ASTN1: variants seen among roughly 807,000 people sequenced by gnomAD.
The protein encoded by ASTN1 is astrotactin 1.
In ASTN1, 41 loss-of-function variants were observed where a neutral mutation model predicts 140.7. The ratio of observed to expected loss-of-function variants is 0.29; its 90% confidence interval spans 0.23 to 0.38. The LOEUF (loss-of-function observed/expected upper bound fraction) is 0.38, where lower values mean the gene tolerates loss of function less well. Ranked by LOEUF, ASTN1 falls within the 10% of genes least tolerant of loss-of-function variation. The pLI is 1.00. For missense variants in ASTN1, 1,479 were observed against 1,678.8 expected (o/e 0.88, Z 2.08); for synonymous variants, 640 against 652.2 (o/e 0.98, Z 0.29).
chr1:176,917,055 T>G (rs1670518193), intron 16 of ASTN1, among the ~76,000 whole-genome samples: 1 of 152,170 alleles, frequency 6.6e-6, no homozygotes, highest in Non-Finnish European at 1.5e-5. Flanking sequence ...TCACCCTCCT[T>G]CATTCAGTGC....
intron 16 of ASTN1, among the ~76,000 whole-genome samples, chr1:176,900,487 A>AATTTACATT (rs1669720855): frequency 6.6e-6 from 1 of 151,916 alleles, no homozygotes; most frequent in Non-Finnish European, 1.5e-5. Context: ...CACCCCATCA[A>AATTTACATT]CTAATCTTAT....
In ASTN1 at chr1:176,884,351, T is replaced by G. The variant is rs558363072; in HGVS notation, c.3214A>C (p.Lys1072Gln). The G allele has an allele frequency of 2.0e-5, 32 of 1,614,066 alleles. No homozygotes were observed. The South Asian group carries it at 3.4e-4, about 17-fold the overall frequency. The change falls in exon 19 of 23, where the codon AAA becomes CAA. Residue 1072 changes from lysine to glutamine, a missense_variant. Physicochemically the swap from Lys to Gln is moderately conservative, Grantham distance 53. This residue lies in a region of ASTN1 where 746 missense variants were observed against 800.9 expected (regional missense o/e 0.93). Coordinates refer to ENST00000361833, the MANE Select transcript of ASTN1 (RefSeq NM_004319.3). ...EKVTDRMDHS[K>Q]VETETVLSFV... is the part of the protein sequence containing the mutation. ...AGAAGGTGCTCACCTGTCTCCACTT[T>G]GGAGTGGTCCATCCTGTCAGTGACT...
intron 1 of ASTN1, among the ~76,000 whole-genome samples, chr1:177,126,250 C>A (rs370393025): frequency 1.2e-4 from 18 of 152,244 alleles, no homozygotes; most frequent in African/African-American, 4.3e-4. Flanking sequence ...CAGCTGCTTG[C>A]TCCATTTTAG....
intron 7 of ASTN1, among the ~76,000 whole-genome samples, 188 bp downstream of exon 7, chr1:177,023,216 T>C (rs1675914283): frequency 6.6e-6 from 1 of 152,208 alleles, no homozygotes. Flanking sequence ...CCAAGTCTTC[T>C]GCCAGAAAAT....
intron 7 of ASTN1, among the ~76,000 whole-genome samples, chr1:177,022,581 G>C (rs1675885903): frequency 6.6e-6 from 1 of 152,090 alleles, no homozygotes; most frequent in Admixed American, 6.5e-5. Context: ...CCTCCCTCAG[G>C]GAAACCCCAG....
rs764383302 is a variant in ASTN1 at position 177,032,613 on chromosome 1, T to C, written c.708A>G (p.Thr236=). Residue 236 remains threonine, a synonymous_variant, in exon 3 of 23, where the codon ACA becomes ACG. Coordinates refer to ENST00000361833, the MANE Select transcript of ASTN1 (RefSeq NM_004319.3). ...NSSGTLSIRE[T]PILDGYEYDI... is the part of the protein sequence containing the mutation. ...CATACTCATAGCCGTCCAGGATAGG[T>C]GTCTCCCGGATGCTCAGGGTGCCAC... 9 of 1,614,110 alleles carry C rather than the reference T, an allele frequency of 5.6e-6. No homozygotes were observed. The highest frequency in any genetic ancestry group is 7.6e-6 in the Non-Finnish European group (9 of 1,180,020).
At chr1:176,900,055 T>C (rs1454443386) in intron 16 of ASTN1, among the ~76,000 whole-genome samples, 1 of 152,180 alleles carries the variant, frequency 6.6e-6, no homozygotes, top group Non-Finnish European at 1.5e-5. Context: ...ATGAACATAT[T>C]GGAGTGAATA....
At chr1:177,142,468 G>A (rs1682516046) in intron 1 of ASTN1, among the ~76,000 whole-genome samples, 1 of 152,038 alleles carries the variant, frequency 6.6e-6, no homozygotes, top group South Asian at 2.1e-4. Context: ...CCCAGGACTT[G>A]GAAAAAGTAC....
rs79572165 is a variant in ASTN1 at position 176,921,643 on chromosome 1, A to T, written c.2671+12509T>A. ...AATGCATCTAACCCAGGTCCTAATA[A>T]TTAATTCTGGTCTCACCTTGTGTTT... On this transcript the variant is annotated intron_variant, in intron 16 of 22. Transcript: ENST00000361833. 0.011 allele frequency among the ~76,000 whole-genome samples: 1,696 copies of T among 152,322 alleles called. 65 individuals carry two copies. The East Asian group carries it at 0.13, about 11-fold the overall frequency.
intron 2 of ASTN1, among the ~76,000 whole-genome samples, chr1:177,044,379 T>C (rs961429336): frequency 6.6e-5 from 10 of 152,104 alleles, no homozygotes; most frequent in African/African-American, 1.9e-4. Context: ...GGGGTTGTGA[T>C]TGAGTGGGGT....
At chr1:176,926,687 TTTG>T (rs1670985187) in intron 16 of ASTN1, among the ~76,000 whole-genome samples, 1 of 152,252 alleles carries the variant, frequency 6.6e-6, no homozygotes, top group Non-Finnish European at 1.5e-5. Flanking sequence ...GAGTGCTAAC[TTTG>T]TTGTTGTAAA....
chr1:177,023,394 T>A lies in ASTN1; in HGVS notation c.1438+10A>T. ...CTGACAGTTACCCGCTGCCCGGTGC[T>A]CCCGCCTACCAGTTTCGGGGTCACA... On this transcript the variant is annotated intron_variant, in intron 7 of 22. Transcript: ENST00000361833. 1 of 1,576,532 alleles carries A rather than the reference T, an allele frequency of 6.3e-7. No homozygotes were observed. Among genetic ancestry groups the A allele is most frequent in the Non-Finnish European group, 8.6e-7 (1 of 1,160,686 alleles).
In ASTN1 at chr1:176,868,876, G is replaced by A. The variant is rs375492855; in HGVS notation, c.3615C>T (p.Phe1205=). The stretch of plus-strand genomic sequence containing the variant: ...CTAACTCATCCTCACATCGCCAGGT[G>A]AATTCCCCAAAACTCTCATAGTGCT... ...YNQHYESFGE[F]TWRCEDELGP... is the part of the protein sequence containing the mutation. Residue 1205 remains phenylalanine, a synonymous_variant, in exon 22 of 23, where the codon TTC becomes TTT. Coordinates refer to ENST00000361833, the MANE Select transcript of ASTN1 (RefSeq NM_004319.3). The A allele has an allele frequency of 4.4e-5, 71 of 1,607,724 alleles. 1 individual carries two copies. The highest frequency in any genetic ancestry group is 1.7e-5 in the Admixed American group (1 of 59,590).
chr1:177,050,352 G>A (rs1398176933), intron 2 of ASTN1, among the ~76,000 whole-genome samples: 3 of 152,042 alleles, frequency 2.0e-5, no homozygotes, highest in African/African-American at 7.2e-5. Flanking sequence ...GTCAGAATTG[G>A]GAGCCAAAGC....
chr1:176,942,703 A>T (rs11577356), intron 14 of ASTN1, among the ~76,000 whole-genome samples: 1 of 150,176 alleles, frequency 6.7e-6, no homozygotes, highest in African/African-American at 2.4e-5. Context: ...AAAGAATGCA[A>T]CCATTTGTTT....
rs148054055 is a variant in ASTN1 at position 177,012,707 on chromosome 1, T to C, written c.1523+2084A>G. Among the ~76,000 whole-genome samples the C allele has an allele frequency of 2.7e-3, 414 of 152,290 alleles. 3 individuals carry two copies. The Middle Eastern group carries it at 0.031, about 11-fold the overall frequency. ...AGCCAGAGGGAATGATGAAGGCTTA[T>C]GCAATTATCAAGTGAAGTCAGGCCC... On this transcript the variant is annotated intron_variant, in intron 8 of 22. Coordinates refer to ENST00000361833, the MANE Select transcript of ASTN1 (RefSeq NM_004319.3).
intron 1 of ASTN1, among the ~76,000 whole-genome samples, chr1:177,069,676 T>C (rs1395986098): frequency 2.0e-5 from 3 of 152,146 alleles, no homozygotes; most frequent in Non-Finnish European, 4.4e-5. Context: ...AAAACATTCC[T>C]GTGGGGGAAA....
intron 1 of ASTN1, among the ~76,000 whole-genome samples, chr1:177,146,237 C>A (rs1682715696): frequency 6.6e-6 from 1 of 152,146 alleles, no homozygotes. Flanking sequence ...AAATACACTA[C>A]ACCATGTTAT....
chr1:176,919,908 T>C (rs1216515585), intron 16 of ASTN1, among the ~76,000 whole-genome samples: 4 of 152,212 alleles, frequency 2.6e-5, no homozygotes, highest in Non-Finnish European at 4.4e-5. Context: ...TACCCTATTA[T>C]GCTGGTTTCC....
Sources: gnomAD v4.1 joint callset for allele counts (sites outside exome capture counted in the v4.1 genomes callset) on GRCh38, gnomAD v4.1.1 for gene constraint, gnomAD v4.1.1 regional missense constraint, MANE v1.5 for transcripts, NCBI Gene and HGNC (gene_info 2026-07-23, HGNC 2026-07-21) for gene names.